Variants in PNMA6E observed in about 807,000 individuals in gnomAD.
PNMA6E encodes the protein PNMA family member 6E.
For missense variants in PNMA6E, 78 were observed against 50.8 expected (o/e 1.53, Z -1.63); for synonymous variants, 43 against 17.1 (o/e 2.52, Z -3.74).
chrX:153,411,648 G>C, the PNMA6E span, among the ~76,000 whole-genome samples: 14 of 113,126 alleles, frequency 1.2e-4, no homozygotes, highest in Non-Finnish European at 1.7e-4. Context: ...CCTTGGCCTC[G>C]GGCCTGCCGG....
chrX:153,399,180 A>G (rs1267860711), intron 1 of PNMA6E, among the ~76,000 whole-genome samples: 1 of 112,327 alleles, frequency 8.9e-6, no homozygotes, highest in Admixed American at 9.4e-5. Flanking sequence ...AGCTTATCTC[A>G]GTTTTCAAAA....
upstream of PNMA6E, among the ~76,000 whole-genome samples, chrX:153,403,034 C>T (rs1156913109): frequency 8.9e-6 from 1 of 112,431 alleles, no homozygotes; most frequent in Non-Finnish European, 1.9e-5. Flanking sequence ...ATTTATCTTC[C>T]TTGGAATTCA....
chrX:153,406,186 G>C (rs1268562867), upstream of PNMA6E, among the ~76,000 whole-genome samples: 2 of 112,700 alleles, frequency 1.8e-5, no homozygotes, highest in African/African-American at 3.2e-5. Context: ...TCCTGAGCCC[G>C]GGGAGGGGAG....
chrX:153,398,594 C>T lies in PNMA6E; in HGVS notation c.256G>A (p.Gly86Arg), dbSNP rs1556970832. The change falls in exon 2 of 2, where the codon GGG (glycine) becomes AGG (arginine). Residue 86 changes from glycine (G) to arginine (R), a missense_variant. Gly to Arg is a moderately radical substitution (Grantham distance 125). Coordinates refer to ENST00000445091, the MANE Select transcript of PNMA6E (RefSeq NM_001367770.1). ...SLIPHQIPGN[G>R]GPWKVIFLPQ... is the part of the protein sequence containing the mutation. ...AGGAAGATCACTTTCCAGGGCCCCC[C>T]ATTGCCTGGTATTTGATGGGGAATC... 2.9e-6 allele frequency: 1 copy of T among 339,190 alleles called. No homozygotes were observed. Among genetic ancestry groups the T allele is most frequent in the East Asian group, 4.4e-5 (1 of 22,783 alleles). 28.0% of individuals were successfully genotyped at this position (339,190 alleles called of 1,213,427 possible).
chrX:153,409,613 C>T, the PNMA6E span, among the ~76,000 whole-genome samples: 2 of 113,158 alleles, frequency 1.8e-5, no homozygotes, highest in African/African-American at 3.2e-5. Context: ...CAGCTGACCG[C>T]GCTGCCGCCT....
the PNMA6E span, among the ~76,000 whole-genome samples, chrX:153,414,001 C>CTCTG: frequency 8.9e-6 from 1 of 112,586 alleles, no homozygotes; most frequent in Non-Finnish European, 1.9e-5. Context: ...CTCAACAGTG[C>CTCTG]TCTGCTCCCT....
At chrX:153,411,707 A>G in the PNMA6E span, among the ~76,000 whole-genome samples, 1 of 112,898 alleles carries the variant, frequency 8.9e-6, no homozygotes, top group East Asian at 2.8e-4. Context: ...AGCCCAGGTA[A>G]GAGGGCCGAG....
intron 1 of PNMA6E, among the ~76,000 whole-genome samples, chrX:153,400,403 G>T (rs782307716): frequency 1.8e-5 from 2 of 112,139 alleles, no homozygotes; most frequent in African/African-American, 3.2e-5. Flanking sequence ...ACCGCACACC[G>T]GGGACAGTCC....
At chrX:153,409,570 G>C in the PNMA6E span, among the ~76,000 whole-genome samples, 1 of 113,257 alleles carries the variant, frequency 8.8e-6, no homozygotes, top group African/African-American at 3.2e-5. Context: ...GCTTGTCAAG[G>C]TCGTCTTCAC....
chrX:153,409,883 C>T, the PNMA6E span, among the ~76,000 whole-genome samples: 1 of 112,407 alleles, frequency 8.9e-6, no homozygotes, highest in South Asian at 3.7e-4. Context: ...TCGCCCCAGT[C>T]CCCACCAGGT....
At chrX:153,402,945 T>C (rs151029776), upstream of PNMA6E, among the ~76,000 whole-genome samples, 8 of 113,000 alleles carry the variant, frequency 7.1e-5, no homozygotes, top group Non-Finnish European at 1.5e-4. Context: ...AGTTGCATTT[T>C]ACTGTTTTCA....
upstream of PNMA6E, among the ~76,000 whole-genome samples, chrX:153,406,131 A>C (rs782065693): frequency 2.3e-4 from 26 of 112,626 alleles, no homozygotes; most frequent in Admixed American, 1.6e-3. Context: ...AGGACTCTGC[A>C]GAGAGCTGCT....
upstream of PNMA6E, among the ~76,000 whole-genome samples, chrX:153,403,684 T>C (rs1335642510): frequency 9.0e-6 from 1 of 111,281 alleles, no homozygotes; most frequent in African/African-American, 3.3e-5. Context: ...GGCTCACACC[T>C]GTAATCCCAG....
intron 1 of PNMA6E, among the ~76,000 whole-genome samples, chrX:153,399,821 A>C (rs2088836818): frequency 1.8e-5 from 2 of 111,170 alleles, no homozygotes; most frequent in South Asian, 7.5e-4. Context: ...TCGGCCATTG[A>C]TTTTATGTTC....
At position 153,396,462 on chromosome X, in the gene PNMA6E, G is replaced by C. The variant is rs985192930; in HGVS notation, c.*444C>G. On this transcript the variant is annotated 3_prime_UTR_variant, in exon 2 of 2. Coordinates refer to ENST00000445091, the MANE Select transcript of PNMA6E (RefSeq NM_001367770.1). The stretch of plus-strand genomic sequence containing the variant: ...GAGGGTGAGCTTCCCGGAACAGAGG[G>C]CAGCCTGCCCCGGAGATGGCAAGTG... 1.7e-5 allele frequency: 2 copies of C among 114,956 alleles called. No individual in the cohort carries two copies. Among genetic ancestry groups the C allele is most frequent in the Admixed American group, 9.2e-5 (1 of 10,861 alleles). The allele number at this position is 114,956 out of a possible 1,213,427, so 9.5% of individuals were successfully genotyped here.
chrX:153,413,495 C>G, the PNMA6E span, among the ~76,000 whole-genome samples: 1 of 109,443 alleles, frequency 9.1e-6, no homozygotes, highest in Admixed American at 9.7e-5. Context: ...CTGGAGGGGC[C>G]GGCAGTGGCA....
chrX:153,401,054 C>A (rs782311567), intron 1 of PNMA6E, among the ~76,000 whole-genome samples, 190 bp downstream of exon 1: 1 of 109,559 alleles, frequency 9.1e-6, no homozygotes, highest in Admixed American at 9.5e-5. Context: ...GGGAAGCCCA[C>A]CGTGACAGCC....
the PNMA6E span, among the ~76,000 whole-genome samples, chrX:153,410,684 A>C: frequency 8.9e-6 from 1 of 112,759 alleles, no homozygotes; most frequent in African/African-American, 3.2e-5. Flanking sequence ...AGGGTCTCTG[A>C]AGAAAAGAAA....
At chrX:153,413,141 C>T in the PNMA6E span, among the ~76,000 whole-genome samples, 1 of 110,927 alleles carries the variant, frequency 9.0e-6, no homozygotes, top group African/African-American at 3.3e-5. Flanking sequence ...ACGGAAGAAA[C>T]CCAACCAAAG....
Sources: allele counts gnomAD v4.1 joint callset (sites outside exome capture counted in the v4.1 genomes callset), GRCh38; gene constraint gnomAD v4.1.1; transcripts MANE v1.5; gene names NCBI Gene and HGNC (gene_info 2026-07-23, HGNC 2026-07-21).